Variants in SMYD3 observed in about 807,000 individuals in gnomAD.
The protein encoded by SMYD3 is SET and MYND domain containing 3.
SMYD3 carries 36 observed loss-of-function variants against 57.7 expected under a neutral mutation model. The ratio of observed to expected loss-of-function variants is 0.62; its 90% CI spans 0.48 to 0.82. The LOEUF (loss-of-function observed/expected upper bound fraction) is 0.82, where lower values mean the gene tolerates loss of function less well. Ranked by LOEUF, SMYD3 falls within the 40% of genes least tolerant of loss-of-function variation. SMYD3 has a pLI of 0.00. For missense variants in SMYD3, 515 were observed against 538.8 expected, an observed-to-expected ratio of 0.96 and a Z score of 0.44; for synonymous variants, 211 against 195.0, an observed-to-expected ratio of 1.08 and a Z score of -0.68.
chr1:246,303,944 A>G (rs2064937367), intron 5 of SMYD3, among the ~76,000 whole-genome samples: 1 of 152,242 alleles, frequency 6.6e-6, no homozygotes, highest in South Asian at 2.1e-4. Flanking sequence ...GTGATTTTAA[A>G]GTGATTTTGT....
intron 1 of SMYD3, among the ~76,000 whole-genome samples, chr1:246,427,229 C>G (rs1275485806): frequency 6.6e-6 from 1 of 152,200 alleles, no homozygotes; most frequent in Non-Finnish European, 1.5e-5. Context: ...TAAAGGACTT[C>G]TAATATTAAA....
intron 1 of SMYD3, among the ~76,000 whole-genome samples, chr1:246,391,948 C>T (rs2066579690): frequency 6.6e-6 from 1 of 152,170 alleles, no homozygotes; most frequent in Non-Finnish European, 1.5e-5. Context: ...ATCCATAACA[C>T]TGACCTCAAT....
chr1:245,759,645 T>C (rs560445907), intron 11 of SMYD3, among the ~76,000 whole-genome samples: 2 of 152,276 alleles, frequency 1.3e-5, no homozygotes, highest in East Asian at 3.9e-4. Flanking sequence ...GAGCAATCTC[T>C]AGGACTTGCG....
intron 5 of SMYD3, among the ~76,000 whole-genome samples, chr1:246,168,309 A>C (rs1314275245): frequency 6.6e-6 from 1 of 152,232 alleles, no homozygotes; most frequent in Middle Eastern, 3.2e-3. Flanking sequence ...AAAATGCACG[A>C]ACCTCTCCCA....
At chr1:246,064,775 G>A (rs1412045878) in intron 5 of SMYD3, among the ~76,000 whole-genome samples, 1 of 152,216 alleles carries the variant, frequency 6.6e-6, no homozygotes, top group Non-Finnish European at 1.5e-5. Context: ...CGGCCTTCTA[G>A]ACCGGACTGA....
At chr1:246,199,725 T>C (rs926447755) in intron 5 of SMYD3, among the ~76,000 whole-genome samples, 1 of 152,204 alleles carries the variant, frequency 6.6e-6, no homozygotes, top group Non-Finnish European at 1.5e-5. Context: ...CAAGGCTTTA[T>C]CCAAGGTGGA....
chr1:246,471,243 G>A (rs2067958438), intron 1 of SMYD3, among the ~76,000 whole-genome samples: 1 of 152,032 alleles, frequency 6.6e-6, no homozygotes, highest in African/African-American at 2.4e-5. Flanking sequence ...CTGTCCCCCA[G>A]GCTGAAGTGC....
chr1:246,212,173 A>G (rs1039235731), intron 5 of SMYD3, among the ~76,000 whole-genome samples: 2 of 152,144 alleles, frequency 1.3e-5, no homozygotes, highest in Admixed American at 6.5e-5. Context: ...GATAGTTAGC[A>G]ATATGCAACA....
chr1:245,989,034 C>T (rs1422919409), intron 5 of SMYD3, among the ~76,000 whole-genome samples: 2 of 152,242 alleles, frequency 1.3e-5, no homozygotes, highest in African/African-American at 2.4e-5. Context: ...ATGGCCAAGG[C>T]TGAACACATT....
intron 7 of SMYD3, among the ~76,000 whole-genome samples, chr1:245,920,071 T>TG (rs35586740): frequency 0.041 from 6,197 of 152,232 alleles, 227 homozygotes; most frequent in East Asian, 0.11. Flanking sequence ...CCCAGCACTT[T>TG]GGGAGGCCAA....
At chr1:246,432,724 C>G (rs1450029494) in intron 1 of SMYD3, among the ~76,000 whole-genome samples, 1 of 152,274 alleles carries the variant, frequency 6.6e-6, no homozygotes, top group East Asian at 1.9e-4. Context: ...CTAAAGGCAG[C>G]CTTCTATTTT....
At chr1:245,963,181 A>G (rs981128864) in intron 5 of SMYD3, among the ~76,000 whole-genome samples, 1 of 152,238 alleles carries the variant, frequency 6.6e-6, no homozygotes, top group African/African-American at 2.4e-5. Context: ...GATGCTAGAT[A>G]TATTAGCTTA....
At chr1:246,180,573 T>C (rs1373157945) in intron 5 of SMYD3, among the ~76,000 whole-genome samples, 4 of 149,836 alleles carry the variant, frequency 2.7e-5, no homozygotes, top group Non-Finnish European at 5.9e-5. Flanking sequence ...CTGGTTAACA[T>C]GGTGAAACTC....
chr1:246,495,066 T>A (rs2068335362), intron 1 of SMYD3, among the ~76,000 whole-genome samples: 1 of 152,076 alleles, frequency 6.6e-6, no homozygotes, highest in African/African-American at 2.4e-5. Flanking sequence ...ATGTCTATGC[T>A]CTGCCGGGCG....
intron 10 of SMYD3, among the ~76,000 whole-genome samples, chr1:245,829,683 T>C (rs549752427): frequency 6.6e-6 from 1 of 152,296 alleles, no homozygotes; most frequent in Admixed American, 6.5e-5. Flanking sequence ...TATAAAAACT[T>C]GTGCACACAT....
At chr1:245,962,436 C>A (rs998213353) in intron 5 of SMYD3, among the ~76,000 whole-genome samples, 3 of 152,184 alleles carry the variant, frequency 2.0e-5, no homozygotes, top group African/African-American at 7.2e-5. Context: ...TTGAGATGAT[C>A]GCTAAACTCT....
At chr1:246,438,756 G>A (rs902919509) in intron 1 of SMYD3, among the ~76,000 whole-genome samples, 1 of 151,412 alleles carries the variant, frequency 6.6e-6, no homozygotes, top group Non-Finnish European at 1.5e-5. Context: ...GGATGGTTTT[G>A]GGATGAAACC....
chr1:246,039,103 G>A (rs2059825862), intron 5 of SMYD3, among the ~76,000 whole-genome samples: 1 of 152,098 alleles, frequency 6.6e-6, no homozygotes, highest in South Asian at 2.1e-4. Context: ...ATAAGTGAAG[G>A]AACAAAACAT....
At chr1:246,027,968 T>C (rs1356352789) in intron 5 of SMYD3, among the ~76,000 whole-genome samples, 1 of 152,138 alleles carries the variant, frequency 6.6e-6, no homozygotes, top group African/African-American at 2.4e-5. Flanking sequence ...TAACAAGAGT[T>C]TGGAAGGTTG....
Sources: allele counts gnomAD v4.1 joint callset (sites outside exome capture counted in the v4.1 genomes callset), GRCh38; gene constraint gnomAD v4.1.1; transcripts MANE v1.5; gene names NCBI Gene and HGNC (gene_info 2026-07-23, HGNC 2026-07-21).